Variants in IRGM observed in about 807,000 individuals in gnomAD.
The protein encoded by IRGM is immunity related GTPase M.
For missense variants in IRGM, 288 were observed against 219.9 expected, an observed-to-expected ratio of 1.31 and a Z score of -1.96; for synonymous variants, 98 against 80.6, an observed-to-expected ratio of 1.22 and a Z score of -1.16.
chr5:150,886,175 C>A (rs543172886), intron 3 of IRGM, among the ~76,000 whole-genome samples: 1 of 152,008 alleles, frequency 6.6e-6, no homozygotes, highest in Non-Finnish European at 1.5e-5. Context: ...TGGCTTTTGT[C>A]TTTAGTTCCG....
chr5:150,888,132 CA>C (rs1754553699), intron 3 of IRGM, among the ~76,000 whole-genome samples: 1 of 151,832 alleles, frequency 6.6e-6, no homozygotes, highest in Admixed American at 6.6e-5. Flanking sequence ...CAGAAAAAAG[CA>C]GGGATTGCAA....
intron 3 of IRGM, chr5:150,897,005 A>G: frequency 6.5e-7 from 1 of 1,528,442 alleles, no homozygotes; most frequent in Non-Finnish European, 8.9e-7. Flanking sequence ...TTTAAGAGTC[A>G]TCACAAGAGT....
chr5:150,862,455 T>C (rs553000921), intron 1 of IRGM, among the ~76,000 whole-genome samples: 7 of 152,298 alleles, frequency 4.6e-5, no homozygotes, highest in Non-Finnish European at 7.4e-5. Context: ...AGCCTCCTCA[T>C]TGAGAGACAA....
chr5:150,855,683 A>AT (rs1754039163), intron 1 of IRGM, among the ~76,000 whole-genome samples: 1 of 152,220 alleles, frequency 6.6e-6, no homozygotes, highest in South Asian at 2.1e-4. Flanking sequence ...TAGGAATGAC[A>AT]TAGGGGCTCT....
intron 1 of IRGM, among the ~76,000 whole-genome samples, chr5:150,854,693 G>A (rs1177178792): frequency 6.6e-6 from 1 of 152,068 alleles, no homozygotes; most frequent in Non-Finnish European, 1.5e-5. Flanking sequence ...ATCTTATTGA[G>A]AATAGCTTGT....
chr5:150,880,943 G>A (rs1200215435), intron 3 of IRGM, among the ~76,000 whole-genome samples: 2 of 151,912 alleles, frequency 1.3e-5, no homozygotes, highest in Non-Finnish European at 2.9e-5. Context: ...CCTGTCCAAT[G>A]TGGTAAAACC....
Position 150,848,282 on chromosome 5 carries a change from T to A in IRGM, c.159T>A (p.Leu53=). The A allele has an allele frequency of 6.4e-7, 1 of 1,551,772 alleles. No individual in the cohort carries two copies. Among genetic ancestry groups the A allele is most frequent in the Non-Finnish European group, 8.7e-7 (1 of 1,146,982 alleles). Residue 53 remains leucine, a synonymous_variant, in exon 2 of 2, where the codon CTT becomes CTA. Coordinates refer to ENST00000522154, the MANE Select transcript of IRGM (RefSeq NM_001145805.2). ...GGATGTCCACCTTCATCAGTGCCCT[T>A]CGAAACACAGGACATGAGGGTAAGG... ...GNGMSTFISA[L]RNTGHEGKAS...
chr5:150,902,377 A>G (rs1198122701), downstream of IRGM, among the ~76,000 whole-genome samples: 1 of 152,204 alleles, frequency 6.6e-6, no homozygotes, highest in Non-Finnish European at 1.5e-5. Context: ...AAAAACATTC[A>G]AAATGTGCCT....
Position 150,848,687 on chromosome 5 carries a change from C to T in IRGM, c.*18C>T. 1 of 1,461,306 alleles carries T rather than the reference C, an allele frequency of 6.8e-7. No homozygotes were observed. Among genetic ancestry groups the T allele is most frequent in the South Asian group, 1.3e-5 (1 of 74,770 alleles). 90.5% of individuals were successfully genotyped at this position (1,461,306 alleles called of 1,614,324 possible). On this transcript the variant is annotated 3_prime_UTR_variant, in exon 2 of 2. Transcript: ENST00000522154. ...AATACTAATTCCTGTCTTCATTAAA[C>T]ATTTTCCATCTCCTCCTATTGATTC...
At chr5:150,865,070 A>G (rs529314585) in intron 1 of IRGM, among the ~76,000 whole-genome samples, 2 of 152,366 alleles carry the variant, frequency 1.3e-5, no homozygotes, top group South Asian at 4.1e-4. Context: ...CATCTACCAC[A>G]TACCCATGTA....
chr5:150,881,816 G>A (rs1446773521), intron 3 of IRGM, among the ~76,000 whole-genome samples: 4 of 151,936 alleles, frequency 2.6e-5, no homozygotes, highest in East Asian at 1.9e-4. Context: ...TAGCATAATC[G>A]GTGTAAGATA....
chr5:150,855,009 G>A (rs1240049994), intron 1 of IRGM, among the ~76,000 whole-genome samples: 7 of 152,094 alleles, frequency 4.6e-5, no homozygotes, highest in Non-Finnish European at 1.0e-4. Context: ...GTTTTTCAGA[G>A]TTTCTATAAA....
chr5:150,893,308 G>T (rs1412399232), intron 3 of IRGM, among the ~76,000 whole-genome samples: 1 of 152,112 alleles, frequency 6.6e-6, no homozygotes, highest in Non-Finnish European at 1.5e-5. Context: ...GATTACTCGT[G>T]TAACACCACA....
At chr5:150,896,918 G>T in intron 3 of IRGM, 2 of 1,613,280 alleles carry the variant, frequency 1.2e-6, no homozygotes, top group Non-Finnish European at 1.7e-6. Flanking sequence ...TCTTATGATG[G>T]AAGGAAACTG....
At chr5:150,857,114 A>T (rs1191042313) in intron 1 of IRGM, among the ~76,000 whole-genome samples, 1 of 151,150 alleles carries the variant, frequency 6.6e-6, no homozygotes, top group East Asian at 1.9e-4. Flanking sequence ...CCAGTGTGTG[A>T]TGTTCCCCTT....
intron 1 of IRGM, among the ~76,000 whole-genome samples, chr5:150,865,904 G>A (rs574152453): frequency 2.0e-5 from 3 of 152,068 alleles, no homozygotes; most frequent in African/African-American, 7.2e-5. Flanking sequence ...CCACAGGCAC[G>A]CACCACCATG....
chr5:150,896,676 T>C (rs1754796837), intron 3 of IRGM: 2 of 1,613,562 alleles, frequency 1.2e-6, no homozygotes, highest in Non-Finnish European at 1.7e-6. Context: ...TTTAAAAGCA[T>C]CATATTTATG....
chr5:150,894,703 G>C (rs1025921370), intron 3 of IRGM: 1 of 152,290 alleles, frequency 6.6e-6, no homozygotes, highest in Admixed American at 6.6e-5. Context: ...TACTCAGCTA[G>C]GAGAAGTATG....
At chr5:150,880,913 G>C (rs1262912945) in intron 3 of IRGM, among the ~76,000 whole-genome samples, 1 of 152,070 alleles carries the variant, frequency 6.6e-6, no homozygotes, top group Non-Finnish European at 1.5e-5. Flanking sequence ...GAACACCTGA[G>C]GTCAGGAGTT....
Sources: gnomAD v4.1 joint callset for allele counts (sites outside exome capture counted in the v4.1 genomes callset) on GRCh38, gnomAD v4.1.1 for gene constraint, MANE v1.5 for transcripts, NCBI Gene and HGNC (gene_info 2026-07-23, HGNC 2026-07-21) for gene names.